TTC28: variants seen among roughly 807,000 people sequenced by gnomAD.
TTC28 encodes tetratricopeptide repeat domain 28.
Under a neutral mutation model 198.0 loss-of-function variants are expected in TTC28, and 61 were observed. That is an observed-to-expected ratio of 0.31 (90% CI 0.25 to 0.38). TTC28 has a LOEUF of 0.38. TTC28 is among the 10% of genes least tolerant of loss of function. TTC28 has a pLI of 1.00. For synonymous variants in TTC28, 1,171 were observed against 1,297.8 expected, an observed-to-expected ratio of 0.90 and a Z score of 2.10; for missense variants, 2,678 against 3,164.0, an observed-to-expected ratio of 0.85 and a Z score of 3.69.
intron 6 of TTC28, among the ~76,000 whole-genome samples, chr22:28,142,299 C>T (rs1180514305): frequency 2.6e-5 from 4 of 152,162 alleles, no homozygotes; most frequent in East Asian, 3.9e-4. Context: ...TCAACAATTC[C>T]GCCTAGAATA....
chr22:28,270,354 A>C (rs1468788563), intron 5 of TTC28, among the ~76,000 whole-genome samples: 1 of 152,216 alleles, frequency 6.6e-6, no homozygotes, highest in Non-Finnish European at 1.5e-5. Flanking sequence ...AAATAAAGAG[A>C]GATAGGAAAA....
At chr22:28,647,995 C>A (rs920859397) in intron 1 of TTC28, among the ~76,000 whole-genome samples, 1 of 149,476 alleles carries the variant, frequency 6.7e-6, no homozygotes. Context: ...GAGGCCGAGG[C>A]GGGCGGATCA....
chr22:28,099,287 T>C (rs1050680213), intron 9 of TTC28, among the ~76,000 whole-genome samples: 1 of 152,214 alleles, frequency 6.6e-6, no homozygotes, highest in Non-Finnish European at 1.5e-5. Flanking sequence ...ACAACTCCAC[T>C]CATCATGTAA....
chr22:28,274,999 A>AG (rs1555956418), intron 5 of TTC28, among the ~76,000 whole-genome samples: 43 of 147,610 alleles, frequency 2.9e-4, no homozygotes, highest in African/African-American at 9.9e-4. Flanking sequence ...AAAAAAAAAA[A>AG]AGAGAGAGAG....
At chr22:28,518,922 T>G (rs1290442235) in intron 2 of TTC28, among the ~76,000 whole-genome samples, 1 of 152,238 alleles carries the variant, frequency 6.6e-6, no homozygotes, top group Non-Finnish European at 1.5e-5. Context: ...AGATTCTGTT[T>G]TTCTTGTCAA....
intron 2 of TTC28, among the ~76,000 whole-genome samples, chr22:28,566,829 A>C (rs1199938857): frequency 1.3e-5 from 2 of 152,234 alleles, no homozygotes; most frequent in Admixed American, 1.3e-4. Flanking sequence ...CACACCTATA[A>C]TACCAGCACT....
In TTC28 at chr22:27,982,444, A is replaced by C; in HGVS notation, c.7223T>G (p.Val2408Gly). 1.3e-6 allele frequency: 2 copies of C among 1,550,234 alleles called. No homozygotes were observed. Among genetic ancestry groups the C allele is most frequent in the Non-Finnish European group, 1.7e-6 (2 of 1,146,752 alleles). Residue 2408 changes from valine to glycine, a missense_variant, in exon 23 of 23, where the codon GTG becomes GGG. This residue lies in a region of TTC28 where 622 missense variants were observed against 656.0 expected (regional missense o/e 0.95). Coordinates refer to ENST00000397906, the MANE Select transcript of TTC28 (RefSeq NM_001145418.2). This position sits in a 1 kb window ranked among gnomAD's most constrained non-coding sequence, Gnocchi z 5.2. ...SPRHNKKEEG[V>G]DKLELKELSL... ...CAGCTCCTTCAGTTCAAGCTTATCC[A>C]CTCCCTCCTCCTTCTTATTGTGCCG...
chr22:28,119,749 G>A (rs1168169020), intron 6 of TTC28, among the ~76,000 whole-genome samples: 1 of 152,202 alleles, frequency 6.6e-6, no homozygotes, highest in East Asian at 1.9e-4. Context: ...AACACTGGAT[G>A]CTCTGAGGTA....
intron 6 of TTC28, among the ~76,000 whole-genome samples, chr22:28,125,947 A>C (rs1393344166): frequency 1.3e-5 from 2 of 152,212 alleles, no homozygotes; most frequent in Non-Finnish European, 2.9e-5. Context: ...TAGAAACTGC[A>C]CATACCCATC....
intron 12 of TTC28, among the ~76,000 whole-genome samples, chr22:28,084,206 C>T (rs1452944387): frequency 6.6e-6 from 1 of 152,202 alleles, no homozygotes; most frequent in African/African-American, 2.4e-5. Flanking sequence ...AAAGGGCAGA[C>T]TGCCTCCTCA....
chr22:28,190,038 T>A (rs1218217814), intron 5 of TTC28, among the ~76,000 whole-genome samples: 1 of 152,158 alleles, frequency 6.6e-6, no homozygotes, highest in African/African-American at 2.4e-5. Context: ...GTATTGTTAT[T>A]CCCCATTTTA....
At chr22:28,541,738 TAAGA>T (rs1350588702) in intron 2 of TTC28, among the ~76,000 whole-genome samples, 1 of 151,382 alleles carries the variant, frequency 6.6e-6, no homozygotes, top group Non-Finnish European at 1.5e-5. Flanking sequence ...AAAGAAGACA[TAAGA>T]AAGAATGAAA....
At chr22:28,522,354 G>A (rs2048924253) in intron 2 of TTC28, among the ~76,000 whole-genome samples, 1 of 152,188 alleles carries the variant, frequency 6.6e-6, no homozygotes, top group East Asian at 1.9e-4. Flanking sequence ...TGGGCGTGGT[G>A]GCAAGCACCT....
chr22:28,393,998 C>T (rs2046774907), intron 2 of TTC28, among the ~76,000 whole-genome samples: 1 of 152,134 alleles, frequency 6.6e-6, no homozygotes, highest in Admixed American at 6.5e-5. Flanking sequence ...CTCAGCCTCC[C>T]AAGTAGCTGG....
chr22:28,381,004 G>C (rs1316128364), intron 2 of TTC28, among the ~76,000 whole-genome samples: 2 of 151,942 alleles, frequency 1.3e-5, no homozygotes, highest in East Asian at 1.9e-4. Flanking sequence ...CTACAGGAAG[G>C]GGCGGTATTC....
At chr22:28,288,742 G>A (rs1217367358) in intron 5 of TTC28, among the ~76,000 whole-genome samples, 1 of 150,868 alleles carries the variant, frequency 6.6e-6, no homozygotes, top group East Asian at 1.9e-4. Context: ...GAACCCAGAA[G>A]GCGGAGCTTG....
intron 2 of TTC28, among the ~76,000 whole-genome samples, chr22:28,438,433 G>C (rs775897507): frequency 1.3e-5 from 2 of 152,154 alleles, no homozygotes; most frequent in African/African-American, 2.4e-5. Context: ...AATCATTTGA[G>C]AGCCAGATTC....
intron 2 of TTC28, among the ~76,000 whole-genome samples, chr22:28,472,504 G>A (rs1233650724): frequency 6.7e-6 from 1 of 149,698 alleles, no homozygotes; most frequent in Non-Finnish European, 1.5e-5. Context: ...ATTTTGTTTT[G>A]TATACCTTCA....
chr22:28,631,761 A>C (rs2051177152), intron 1 of TTC28, among the ~76,000 whole-genome samples: 1 of 152,134 alleles, frequency 6.6e-6, no homozygotes, highest in Admixed American at 6.6e-5. Context: ...CCTGGGTCCA[A>C]GCAATACTCC....
Sources: gnomAD v4.1 joint callset for allele counts (sites outside exome capture counted in the v4.1 genomes callset) on GRCh38, gnomAD v4.1.1 for gene constraint, gnomAD v4.1.1 regional missense constraint, Gnocchi (gnomAD v3.1) non-coding constraint, MANE v1.5 for transcripts, NCBI Gene and HGNC (gene_info 2026-07-23, HGNC 2026-07-21) for gene names.